The following PPP1R12A variants were observed in gnomAD, a reference collection of about 807,000 sequenced individuals.
PPP1R12A encodes protein phosphatase 1 regulatory subunit 12A, also known as myosin binding subunit.
In PPP1R12A, 19 loss-of-function variants were observed where a neutral mutation model predicts 139.6. That is an observed-to-expected ratio of 0.14 (90% confidence interval 0.09 to 0.20). The LOEUF is 0.20. Among genes scored for constraint, PPP1R12A ranks in the 10% least tolerant of loss-of-function variants. The probability of loss-of-function intolerance (pLI) is 1.00; values close to 1 mark genes in which losing one functional copy is unlikely to be tolerated. For missense variants in PPP1R12A, 925 were observed against 1,211.5 expected (o/e 0.76, Z 3.51); for synonymous variants, 427 against 420.6 (o/e 1.02, Z -0.19).
chr12:79,812,389 T>C lies in PPP1R12A; in HGVS notation c.1240-2379A>G, dbSNP rs4842319. ...TCCTTTTCTTGACTGACTCTGTGTG[T>C]GCGTGTGTGTGTGTGTGTGTGTGTG... On this transcript the variant is annotated intron_variant, in intron 9 of 24. Transcript: ENST00000450142. Among the ~76,000 whole-genome samples the C allele has an allele frequency of 1.0e-3, 60 of 58,302 alleles. 1 individual carries two copies. Among genetic ancestry groups the C allele is most frequent in the South Asian group, 2.7e-3 (6 of 2,260 alleles). 38.2% of individuals were successfully genotyped at this position (58,302 alleles called of 152,430 possible).
At chr12:79,935,417 G>A, upstream of PPP1R12A, 1 of 991,684 alleles carries the variant, frequency 1.0e-6, no homozygotes, top group South Asian at 4.4e-5. Context: ...GGAATCCGGA[G>A]GCCAGCAGTG....
chr12:79,840,261 T>G (rs1374113854), intron 3 of PPP1R12A, among the ~76,000 whole-genome samples: 4 of 152,204 alleles, frequency 2.6e-5, no homozygotes, highest in Admixed American at 2.0e-4. Context: ...GAAATGCATG[T>G]GAAGCTCTTG....
At chr12:79,904,369 C>T (rs1030790751) in intron 1 of PPP1R12A, among the ~76,000 whole-genome samples, 16 of 152,034 alleles carry the variant, frequency 1.1e-4, no homozygotes, top group African/African-American at 3.4e-4. Context: ...CCCGAACAGA[C>T]TGGAAACTCA....
chr12:79,805,614 T>A lies in PPP1R12A; in HGVS notation c.1978A>T (p.Thr660Ser). The A allele has an allele frequency of 6.2e-7, 1 of 1,613,706 alleles. No homozygotes were observed. Among genetic ancestry groups the A allele is most frequent in the Non-Finnish European group, 8.5e-7 (1 of 1,179,752 alleles). ...TTTAGTVSST[T>S]EVRERRRSYL... ...CACCTGCGTCTCTCCCTGACCTCTG[T>A]TGTGGAGGAGACAGTGCCAGCAGTA... The change falls in exon 14 of 25, where the codon ACA (threonine) becomes TCA (serine). Residue 660 changes from threonine to serine, a missense_variant. Thr to Ser is a moderately conservative substitution (Grantham distance 58). Around this residue, in one of 4 missense-constraint regions of PPP1R12A, gnomAD observed 403 missense variants for 463.7 expected, o/e 0.87. Transcript: ENST00000450142.
intron 24 of PPP1R12A, 32 bp downstream of exon 24, chr12:79,778,518 A>G (rs1870020336): frequency 7.2e-7 from 1 of 1,389,882 alleles, no homozygotes; most frequent in East Asian, 2.5e-5. Flanking sequence ...CATAAACAGC[A>G]CTCTCTCTCA....
intron 1 of PPP1R12A, among the ~76,000 whole-genome samples, chr12:79,926,530 C>T (rs1419373612): frequency 6.6e-6 from 1 of 152,156 alleles, no homozygotes; most frequent in Non-Finnish European, 1.5e-5. Flanking sequence ...GCTACCTTTA[C>T]ATTGTAAGTA....
At chr12:79,781,600 T>G (rs1010284322) in intron 23 of PPP1R12A, among the ~76,000 whole-genome samples, 1 of 152,074 alleles carries the variant, frequency 6.6e-6, no homozygotes, top group African/African-American at 2.4e-5. Context: ...AAAAGAATTA[T>G]GTGGTAAATT....
chr12:79,891,667 T>C (rs1884656329), intron 1 of PPP1R12A, among the ~76,000 whole-genome samples: 1 of 152,176 alleles, frequency 6.6e-6, no homozygotes. Flanking sequence ...ACAAACTTAA[T>C]GAGACAGAAG....
chr12:79,862,472 CAA>C (rs1881450495), intron 2 of PPP1R12A, among the ~76,000 whole-genome samples: 1 of 152,126 alleles, frequency 6.6e-6, no homozygotes, highest in Admixed American at 6.5e-5. Context: ...ATGAGTTCGA[CAA>C]AGTGACAGAA....
chr12:79,851,343 G>C (rs1301148849), intron 2 of PPP1R12A, among the ~76,000 whole-genome samples: 1 of 152,046 alleles, frequency 6.6e-6, no homozygotes, highest in African/African-American at 2.4e-5. Context: ...ATTTTCTTTT[G>C]AAAGTTCTGT....
At chr12:79,812,058 T>G (rs776977989) in intron 9 of PPP1R12A, among the ~76,000 whole-genome samples, 3 of 152,300 alleles carry the variant, frequency 2.0e-5, no homozygotes, top group South Asian at 2.1e-4. Flanking sequence ...TTCAACCTTA[T>G]AATTACCCAA....
intron 3 of PPP1R12A, among the ~76,000 whole-genome samples, chr12:79,842,564 C>A (rs1878854001): frequency 7.0e-6 from 1 of 143,094 alleles, no homozygotes; most frequent in Non-Finnish European, 1.5e-5. Flanking sequence ...ACAAAAATCA[C>A]ATGTGGCACT....
chr12:79,781,816 C>CT lies in PPP1R12A; in HGVS notation c.2953dup (p.Arg985LysfsTer12). On this transcript the variant is annotated frameshift_variant and splice_region_variant, in exon 23 of 25. Coordinates refer to ENST00000450142, the MANE Select transcript of PPP1R12A (RefSeq NM_002480.3). LOFTEE classifies it high-confidence loss of function. ...TTATTTAATAAGTGGGACACTTACCCTTTTTTCCATTTCCAACAGTGATCT... is the reference window on the plus strand; with the variant it reads ...TTATTTAATAAGTGGGACACTTACCCTTTTTTTCCATTTCCAACAGTGATCT... The CT allele has an allele frequency of 6.6e-7, 1 of 1,522,994 alleles. No individual in the cohort carries two copies. The highest frequency in any genetic ancestry group is 1.2e-5 in the South Asian group (1 of 80,016). 94.3% of individuals were successfully genotyped at this position (1,522,994 alleles called of 1,614,324 possible).
intron 2 of PPP1R12A, among the ~76,000 whole-genome samples, chr12:79,868,392 T>A (rs1440076245): frequency 6.6e-6 from 1 of 152,166 alleles, no homozygotes; most frequent in African/African-American, 2.4e-5. Flanking sequence ...TGCCTTGATG[T>A]GATAGTGGAA....
intron 8 of PPP1R12A, among the ~76,000 whole-genome samples, chr12:79,819,940 A>G (rs1426232137): frequency 6.6e-6 from 1 of 152,166 alleles, no homozygotes; most frequent in Non-Finnish European, 1.5e-5. Context: ...CTAAAAAAAA[A>G]AAATGCAGAT....
Position 79,862,469 on chromosome 12 carries a change from C to A in PPP1R12A, c.368+10339G>T, listed in dbSNP as rs570709059. ...AACAAAACTGGGCAGAGAATGAGTTCGACAAAGTGACAGAAGTCAGCTTCA... is the reference window on the plus strand; with the variant it reads ...AACAAAACTGGGCAGAGAATGAGTTAGACAAAGTGACAGAAGTCAGCTTCA... On this transcript the variant is annotated intron_variant, in intron 2 of 24. Transcript: ENST00000450142. 2.6e-5 allele frequency among the ~76,000 whole-genome samples: 4 copies of A among 152,214 alleles called. No homozygotes were observed. In the East Asian group the frequency reaches 5.8e-4, roughly 22 times the overall value.
chr12:79,921,583 A>C (rs1046669907), intron 1 of PPP1R12A, among the ~76,000 whole-genome samples: 19 of 152,082 alleles, frequency 1.2e-4, no homozygotes, highest in African/African-American at 4.6e-4. Context: ...TTGTATCTCT[A>C]CTCTACCACT....
At chr12:79,843,906 T>C (rs1879079070) in intron 3 of PPP1R12A, among the ~76,000 whole-genome samples, 1 of 152,030 alleles carries the variant, frequency 6.6e-6, no homozygotes, top group Non-Finnish European at 1.5e-5. Context: ...GGTTTCACCA[T>C]GTTGGTCAGG....
At chr12:79,930,803 G>A (rs1191590603) in intron 1 of PPP1R12A, among the ~76,000 whole-genome samples, 1 of 151,982 alleles carries the variant, frequency 6.6e-6, no homozygotes, top group South Asian at 2.1e-4. Context: ...AATAATAAAG[G>A]TATGAACTAG....
Sources: allele counts gnomAD v4.1 joint callset (sites outside exome capture counted in the v4.1 genomes callset), GRCh38; gene constraint gnomAD v4.1.1; regional missense constraint gnomAD v4.1.1; transcripts MANE v1.5; gene names NCBI Gene and HGNC (gene_info 2026-07-23, HGNC 2026-07-21).